Variants in RYR2 observed in about 807,000 individuals in gnomAD.
RYR2 encodes the protein ryanodine receptor 2.
A neutral mutation model predicts 601.1 loss-of-function variants in RYR2; 227 were observed. The observed-to-expected ratio is 0.38, with a 90% CI of 0.34 to 0.42. The LOEUF (loss-of-function observed/expected upper bound fraction) is 0.42. Ranked by LOEUF, RYR2 falls within the 10% of genes least tolerant of loss-of-function variation. The pLI, the probability that RYR2 is intolerant of heterozygous loss-of-function variation, is 1.00. For missense variants in RYR2, 4,646 were observed against 6,156.5 expected, an observed-to-expected ratio of 0.75 and a Z score of 8.21; for synonymous variants, 2,223 against 2,175.1, an observed-to-expected ratio of 1.02 and a Z score of -0.61.
intron 2 of RYR2, among the ~76,000 whole-genome samples, chr1:237,308,038 G>A (rs934054799): frequency 2.0e-5 from 3 of 152,170 alleles, no homozygotes; most frequent in African/African-American, 7.2e-5. Context: ...CTAGGAAAAT[G>A]AGGCCGGAAC....
chr1:237,199,689 C>T (rs908086069), intron 1 of RYR2, among the ~76,000 whole-genome samples: 11 of 152,262 alleles, frequency 7.2e-5, no homozygotes, highest in African/African-American at 2.4e-4. Flanking sequence ...CAAGTTGACA[C>T]TCAATACTAA....
chr1:237,548,651 A>G (rs573937584), intron 26 of RYR2, 61 bp downstream of exon 26: 3 of 1,576,722 alleles, frequency 1.9e-6, no homozygotes, highest in Admixed American at 1.7e-5. Context: ...ATAATTTGTA[A>G]CAGGAAGGAT....
At chr1:237,686,942 G>T (rs1157743325) in intron 62 of RYR2, among the ~76,000 whole-genome samples, 1 of 152,186 alleles carries the variant, frequency 6.6e-6, no homozygotes, top group African/African-American at 2.4e-5. Context: ...TGTGATCAAG[G>T]TTGGGGACGA....
chr1:237,659,494 G>T (rs879927179), intron 54 of RYR2, among the ~76,000 whole-genome samples: 19 of 152,128 alleles, frequency 1.2e-4, no homozygotes, highest in Non-Finnish European at 1.9e-4. Context: ...AAAACAGGTG[G>T]CATTATTCAG....
intron 1 of RYR2, among the ~76,000 whole-genome samples, chr1:237,144,896 C>T (rs556620713): frequency 6.6e-6 from 1 of 152,244 alleles, no homozygotes; most frequent in East Asian, 1.9e-4. Flanking sequence ...TCCCCTATTC[C>T]ACCCTCAGAC....
intron 88 of RYR2, 81 bp downstream of exon 88, chr1:237,778,851 A>G (rs1694872341): frequency 4.4e-6 from 3 of 687,600 alleles, no homozygotes; most frequent in African/African-American, 1.8e-5. Context: ...ATGCTTTTTG[A>G]TGTTAGAATA....
At chr1:237,281,822 C>T (rs1466097705) in intron 2 of RYR2, among the ~76,000 whole-genome samples, 1 of 152,154 alleles carries the variant, frequency 6.6e-6, no homozygotes, top group Admixed American at 6.5e-5. Flanking sequence ...GATGGTGTAT[C>T]CATTGTAATA....
chr1:237,562,565 C>G (rs967339514), intron 27 of RYR2, among the ~76,000 whole-genome samples: 6 of 152,072 alleles, frequency 3.9e-5, no homozygotes, highest in Non-Finnish European at 8.8e-5. Context: ...TGGCCTTAAT[C>G]TTGAGGTAGT....
In RYR2 at chr1:237,349,394, G is replaced by A. The variant is rs74147243; in HGVS notation, c.274-6571G>A. 1.5e-3 allele frequency among the ~76,000 whole-genome samples: 222 copies of A among 152,190 alleles called. 1 individual carries two copies. Among genetic ancestry groups the A allele is most frequent in the Non-Finnish European group, 2.2e-3 (153 of 68,012 alleles). On this transcript the variant is annotated intron_variant, in intron 3 of 104. Coordinates refer to ENST00000366574, the MANE Select transcript of RYR2 (RefSeq NM_001035.3). Reference sequence around the variant, plus strand: ...GAGTGAAGTAAAGACATTTCCAGACGCATACAAATTGAGATAATTTAGATA... The same window carrying A: ...GAGTGAAGTAAAGACATTTCCAGACACATACAAATTGAGATAATTTAGATA...
rs143241713 is a variant in RYR2, at chr1:237,730,688, T to G, written c.10935+332T>G. 1.1e-3 allele frequency among the ~76,000 whole-genome samples: 161 copies of G among 152,234 alleles called. 1 individual carries two copies. The highest frequency in any genetic ancestry group is 3.2e-3 in the African/African-American group (135 of 41,556). On this transcript the variant is annotated intron_variant, in intron 77 of 104. Coordinates refer to ENST00000366574, the MANE Select transcript of RYR2 (RefSeq NM_001035.3). ...AGAACCAGGATAGACTATAAAAGAA[T>G]GAACTGTCAAGAAGTTATCCACCTA...
In RYR2 at chr1:237,395,140, A is replaced by G. The variant is rs145253332; in HGVS notation, c.773+6957A>G. ...GGGCGGGGACACAAATCCAAACCAT[A>G]TCACCATCTTTTAAGATCTCAACAA... is the stretch of plus-strand genomic sequence containing the variant. On this transcript the variant is annotated intron_variant, in intron 10 of 104. Coordinates refer to ENST00000366574, the MANE Select transcript of RYR2 (RefSeq NM_001035.3). 4.9e-3 allele frequency among the ~76,000 whole-genome samples: 750 copies of G among 152,306 alleles called. 9 individuals carry two copies. The highest frequency in any genetic ancestry group is 0.017 in the African/African-American group (717 of 41,564).
rs555508712 is a variant in RYR2 at position 237,126,105 on chromosome 1, C to T, written c.48+83536C>T. 4.0e-4 allele frequency among the ~76,000 whole-genome samples: 61 copies of T among 152,238 alleles called. No individual in the cohort carries two copies. In the South Asian group the frequency reaches 0.011, roughly 29 times the overall value. On this transcript the variant is annotated intron_variant, in intron 1 of 104. Coordinates refer to ENST00000366574, the MANE Select transcript of RYR2 (RefSeq NM_001035.3). ...TACAAGAATTAGCCAGGCATGGTGG[C>T]GGGCGCCTGTAATCCCAGCTACTCG... is the stretch of plus-strand genomic sequence containing the variant.
At chr1:237,406,367 T>C (rs1445898205) in intron 10 of RYR2, among the ~76,000 whole-genome samples, 1 of 151,656 alleles carries the variant, frequency 6.6e-6, no homozygotes, top group Non-Finnish European at 1.5e-5. Context: ...TTTCCTAAAA[T>C]ATATACCTAT....
chr1:237,043,290 T>C (rs1270166675), intron 1 of RYR2, among the ~76,000 whole-genome samples: 1 of 151,794 alleles, frequency 6.6e-6, no homozygotes, highest in African/African-American at 2.4e-5. Context: ...CGAGCGTGTG[T>C]TTGCGTGTGT....
chr1:237,069,116 A>T (rs758271574), intron 1 of RYR2, among the ~76,000 whole-genome samples: 59 of 152,238 alleles, frequency 3.9e-4, no homozygotes, highest in African/African-American at 1.3e-3. Context: ...TCTGCTCTTC[A>T]TTGGTTGTTC....
intron 99 of RYR2, among the ~76,000 whole-genome samples, chr1:237,807,221 G>A (rs1383737733): frequency 6.6e-6 from 1 of 152,194 alleles, no homozygotes; most frequent in Admixed American, 6.5e-5. Context: ...TTAATAAGAT[G>A]TGTTTGAGCT....
intron 2 of RYR2, among the ~76,000 whole-genome samples, chr1:237,324,177 C>T (rs1244257595): frequency 1.3e-5 from 2 of 152,080 alleles, no homozygotes; most frequent in Non-Finnish European, 2.9e-5. Context: ...ACAGTATTTC[C>T]TACGAGTCAA....
intron 29 of RYR2, among the ~76,000 whole-genome samples, chr1:237,576,492 A>C (rs12131136): frequency 0.3 from 45,298 of 151,912 alleles, 7,226 homozygotes; most frequent in East Asian, 0.6. Flanking sequence ...GTAGTGTGTC[A>C]GTATGTTGGA....
At chr1:237,830,686 G>GC in intron 103 of RYR2, 56 bp downstream of exon 103, 1 of 826,622 alleles carries the variant, frequency 1.2e-6, no homozygotes, top group Non-Finnish European at 2.0e-6. Context: ...ACTGGTCCCT[G>GC]CCCATCTCAG....
Sources: gnomAD v4.1 joint callset for allele counts (sites outside exome capture counted in the v4.1 genomes callset) on GRCh38, gnomAD v4.1.1 for gene constraint, MANE v1.5 for transcripts, NCBI Gene and HGNC (gene_info 2026-07-23, HGNC 2026-07-21) for gene names.